MGAT5: variants seen among roughly 807,000 people sequenced by gnomAD.
MGAT5 encodes the protein alpha-1,6-mannosylglycoprotein 6-beta-N-acetylglucosaminyltransferase, also known as alpha-1,6-mannosylglycoprotein 6-beta-N-acetylglucosaminyltransferase A.
A neutral mutation model predicts 94.3 loss-of-function variants in MGAT5; 30 were observed. That is an observed-to-expected ratio of 0.32 (90% CI 0.24 to 0.43). The LOEUF (loss-of-function observed/expected upper bound fraction) is 0.43, where lower values mean the gene tolerates loss of function less well. MGAT5 is among the 20% of genes least tolerant of loss of function. MGAT5 has a pLI of 1.00. For synonymous variants in MGAT5, 310 were observed against 322.9 expected (o/e 0.96, Z 0.43); for missense variants, 691 against 905.5 (o/e 0.76, Z 3.04).
chr2:134,375,964 G>A (rs138518198), intron 10 of MGAT5, among the ~76,000 whole-genome samples: 1 of 152,332 alleles, frequency 6.6e-6, no homozygotes, highest in Non-Finnish European at 1.5e-5. Context: ...GGGTCCTGCA[G>A]GTTGTCCCCA....
chr2:134,325,791 A>T (rs958910235), intron 4 of MGAT5, among the ~76,000 whole-genome samples: 1 of 151,956 alleles, frequency 6.6e-6, no homozygotes, highest in Admixed American at 6.6e-5. Context: ...TCCGTCTCTT[A>T]CTTTTCCTCC....
intron 10 of MGAT5, among the ~76,000 whole-genome samples, chr2:134,399,361 A>C (rs995392354): frequency 2.0e-5 from 3 of 152,306 alleles, no homozygotes; most frequent in Middle Eastern, 6.8e-3. Context: ...GGTTCTGAAC[A>C]TGTACCTGCC....
rs1686028637 is a variant in MGAT5 at position 134,450,227 on chromosome 2, G to A, written c.*1380G>A. 6.6e-6 allele frequency: 1 copy of A among 152,338 alleles called. No homozygotes were observed. Among genetic ancestry groups the A allele is most frequent in the Non-Finnish European group, 1.5e-5 (1 of 68,126 alleles). The allele number at this position is 152,338 out of a possible 1,614,324, so 9.4% of individuals were successfully genotyped here. A position where few individuals can be genotyped will look rare whatever the true frequency, so the allele number is the denominator to read the frequency against. On this transcript the variant is annotated 3_prime_UTR_variant, in exon 16 of 16. Transcript: ENST00000281923. The stretch of plus-strand genomic sequence containing the variant: ...CCCTGACATCTCCATGCTGATGCAA[G>A]TGAGACCCCTTCTGCCTAATGTGAG...
Position 134,394,213 on chromosome 2 carries a change from G to T in MGAT5, c.1381-8775G>T, listed in dbSNP as rs1411012620. Among the ~76,000 whole-genome samples, 5 of 152,280 alleles carry T rather than the reference G, an allele frequency of 3.3e-5. No homozygotes were observed. In the East Asian group the frequency reaches 9.6e-4, roughly 29 times the overall value. On this transcript the variant is annotated intron_variant, in intron 10 of 15. Coordinates refer to ENST00000281923, the MANE Select transcript of MGAT5 (RefSeq NM_002410.5). Reference sequence around the variant, plus strand: ...TCTTATCTTTCTCCCTTGGTTGTAAGATAATTACAAGTAGAAAAGTTGGAA... The same window carrying T: ...TCTTATCTTTCTCCCTTGGTTGTAATATAATTACAAGTAGAAAAGTTGGAA...
intron 11 of MGAT5, among the ~76,000 whole-genome samples, chr2:134,411,323 C>G (rs899057823): frequency 1.3e-5 from 2 of 152,124 alleles, no homozygotes; most frequent in Admixed American, 6.5e-5. Context: ...CACCCCCACC[C>G]GTGATCTCTG....
intron 7 of MGAT5, among the ~76,000 whole-genome samples, chr2:134,343,110 TAAATG>T (rs552386133): frequency 1.5e-4 from 23 of 152,044 alleles, no homozygotes; most frequent in Non-Finnish European, 3.1e-4. Context: ...GGTAGGTAAA[TAAATG>T]GAGTGCTGTG....
chr2:134,144,604 TG>T (rs1235974639), intron 1 of MGAT5, among the ~76,000 whole-genome samples: 2 of 152,208 alleles, frequency 1.3e-5, no homozygotes, highest in Non-Finnish European at 2.9e-5. Flanking sequence ...TATAATCCTT[TG>T]GGGAATGGGA....
At chr2:134,277,418 G>A (rs1209480229) in intron 2 of MGAT5, among the ~76,000 whole-genome samples, 3 of 152,266 alleles carry the variant, frequency 2.0e-5, no homozygotes, top group East Asian at 1.9e-4. Flanking sequence ...AGGAAGGCAC[G>A]TCTTACATGG....
rs1281628504 is a variant in MGAT5 at position 134,450,920 on chromosome 2, TC to T, written c.*2075del. On this transcript the variant is annotated 3_prime_UTR_variant, in exon 16 of 16. Transcript: ENST00000281923. ...ATCCTTGCTGTAAGGAAGAGCTTTT[TC>T]CTTGTGAATGGGCCTCTTGGCTGTA... The T allele has an allele frequency of 1.3e-5, 2 of 152,104 alleles. No individual in the cohort carries two copies. Among genetic ancestry groups the T allele is most frequent in the African/African-American group, 4.8e-5 (2 of 41,374 alleles). 9.4% of individuals were successfully genotyped at this position (152,104 alleles called of 1,614,324 possible).
intron 1 of MGAT5, among the ~76,000 whole-genome samples, chr2:134,155,366 G>T (rs192737914): frequency 4.9e-4 from 74 of 152,350 alleles, no homozygotes; most frequent in African/African-American, 1.7e-3. Context: ...TTCTCCTGCA[G>T]AGTGACGAAG....
At chr2:134,225,608 A>C (rs1350269140) in intron 1 of MGAT5, among the ~76,000 whole-genome samples, 1 of 152,218 alleles carries the variant, frequency 6.6e-6, no homozygotes, top group African/African-American at 2.4e-5. Context: ...TCAAGTGTAT[A>C]GATCAGGAAA....
At chr2:134,438,599 G>T (rs111794590) in intron 14 of MGAT5, among the ~76,000 whole-genome samples, 25 of 152,324 alleles carry the variant, frequency 1.6e-4, no homozygotes, top group African/African-American at 5.8e-4. Flanking sequence ...CCCATTCAGG[G>T]TCTCACAGGT....
chr2:134,312,689 A>G (rs963001272), intron 2 of MGAT5, among the ~76,000 whole-genome samples: 3 of 152,204 alleles, frequency 2.0e-5, no homozygotes, highest in African/African-American at 7.2e-5. Flanking sequence ...CACGTGTGCC[A>G]GCCCCCAGAA....
intron 10 of MGAT5, among the ~76,000 whole-genome samples, chr2:134,369,129 C>G (rs558635485): frequency 6.6e-6 from 1 of 152,336 alleles, no homozygotes; most frequent in East Asian, 1.9e-4. Context: ...GTGGTAGGCA[C>G]TCGGAAACTA....
intron 2 of MGAT5, among the ~76,000 whole-genome samples, chr2:134,291,083 CACACACACAAA>C (rs995793057): frequency 2.0e-5 from 3 of 152,184 alleles, no homozygotes; most frequent in Non-Finnish European, 4.4e-5. Flanking sequence ...AAAACACACA[CACACACACAAA>C]ACATAAAGCA....
At chr2:134,215,934 C>T (rs1680474523) in intron 1 of MGAT5, among the ~76,000 whole-genome samples, 1 of 152,144 alleles carries the variant, frequency 6.6e-6, no homozygotes, top group South Asian at 2.1e-4. Flanking sequence ...TGGTTTTAAT[C>T]CCATCCTTTA....
At chr2:134,394,179 G>A (rs74833024) in intron 10 of MGAT5, among the ~76,000 whole-genome samples, 1 of 152,096 alleles carries the variant, frequency 6.6e-6, no homozygotes, top group South Asian at 2.1e-4. Context: ...ATGTGATTTT[G>A]CAGACAGGTC....
intron 1 of MGAT5, among the ~76,000 whole-genome samples, chr2:134,233,134 T>G (rs1333659438): frequency 6.6e-6 from 1 of 152,220 alleles, no homozygotes; most frequent in African/African-American, 2.4e-5. Context: ...CTTTGTTTTT[T>G]GTAGATTGTA....
intron 1 of MGAT5, among the ~76,000 whole-genome samples, chr2:134,214,618 G>A (rs1220381527): frequency 1.3e-5 from 2 of 151,900 alleles, no homozygotes; most frequent in Non-Finnish European, 2.9e-5. Context: ...AGGGAACTAG[G>A]GAGTAAGACC....
Sources: gnomAD v4.1 joint callset for allele counts (sites outside exome capture counted in the v4.1 genomes callset) on GRCh38, gnomAD v4.1.1 for gene constraint, MANE v1.5 for transcripts, NCBI Gene and HGNC (gene_info 2026-07-23, HGNC 2026-07-21) for gene names.